Variants in CFAP77 observed in about 807,000 individuals in gnomAD.
CFAP77 encodes cilia and flagella associated protein 77.
CFAP77 carries 25 observed loss-of-function variants against 31.1 expected under a neutral mutation model. That is an observed-to-expected ratio of 0.80 (90% CI 0.59 to 1.12). The LOEUF (loss-of-function observed/expected upper bound fraction) is 1.12. Ranked by LOEUF, CFAP77 falls within the 50% of genes most tolerant of loss-of-function variation. The probability of loss-of-function intolerance (pLI) is 0.00; values close to 1 mark genes in which losing one functional copy is unlikely to be tolerated. For synonymous variants in CFAP77, 151 were observed against 159.9 expected (o/e 0.94, Z 0.42); for missense variants, 377 against 397.3 (o/e 0.95, Z 0.44).
chr9:132,566,878 A>C (rs1829890763), intron 5 of CFAP77, among the ~76,000 whole-genome samples: 1 of 152,110 alleles, frequency 6.6e-6, no homozygotes, highest in Non-Finnish European at 1.5e-5. Flanking sequence ...TGGCATGAGA[A>C]GTCCTTGCTG....
intron 5 of CFAP77, among the ~76,000 whole-genome samples, chr9:132,571,882 C>CCT (rs1829963197): frequency 1.1e-5 from 1 of 87,768 alleles, no homozygotes; most frequent in African/African-American, 4.6e-5. Flanking sequence ...GTCTCCCTTG[C>CCT]ATTTTTTTTT....
chr9:132,422,520 C>T lies in CFAP77; in HGVS notation c.195+12054C>T, dbSNP rs185045517. ...TGGAAGTGGAGTGTGTATGTGTCCGCGTTCACATGAGCAATGGGACGAGAC... is the reference window on the plus strand; with the variant it reads ...TGGAAGTGGAGTGTGTATGTGTCCGTGTTCACATGAGCAATGGGACGAGAC... On this transcript the variant is annotated intron_variant, in intron 1 of 5. Transcript: ENST00000393216. Among the ~76,000 whole-genome samples the T allele has an allele frequency of 4.6e-5, 7 of 152,278 alleles. No individual in the cohort carries two copies. The East Asian group carries it at 1.2e-3, about 25-fold the overall frequency.
intron 1 of CFAP77, among the ~76,000 whole-genome samples, chr9:132,467,941 A>G (rs2131732356): frequency 6.6e-6 from 1 of 151,938 alleles, no homozygotes; most frequent in East Asian, 1.9e-4. Context: ...TCCTTGTCAA[A>G]GCTCTGTTCA....
intron 4 of CFAP77, among the ~76,000 whole-genome samples, chr9:132,542,420 G>C (rs975118517): frequency 6.6e-6 from 1 of 152,214 alleles, no homozygotes; most frequent in Non-Finnish European, 1.5e-5. Context: ...GGAGCAGAGG[G>C]GCTTCCACTG....
chr9:132,539,044 G>A lies in CFAP77; in HGVS notation c.630+1338G>A, dbSNP rs1326292766. On this transcript the variant is annotated intron_variant, in intron 4 of 5. Coordinates refer to ENST00000393216, the MANE Select transcript of CFAP77 (RefSeq NM_001282957.2). This position sits in a 1 kb window ranked among gnomAD's most constrained non-coding sequence, Gnocchi z 4.3. ...GGAGGTTGCAGTGAGCCAAGATCGT[G>A]CCACTGCACTCCAGCCTGGGCAACA... 2.7e-5 allele frequency among the ~76,000 whole-genome samples: 4 copies of A among 148,742 alleles called. No individual in the cohort carries two copies. Among genetic ancestry groups the A allele is most frequent in the Non-Finnish European group, 6.0e-5 (4 of 67,058 alleles).
chr9:132,569,130 C>T (rs1253609614), intron 5 of CFAP77, among the ~76,000 whole-genome samples: 1 of 152,162 alleles, frequency 6.6e-6, no homozygotes, highest in Non-Finnish European at 1.5e-5. Context: ...AAGGCTGTTA[C>T]AAATATCTTT....
At chr9:132,503,155 C>T (rs576541989) in intron 3 of CFAP77, among the ~76,000 whole-genome samples, 1 of 152,342 alleles carries the variant, frequency 6.6e-6, no homozygotes, top group African/African-American at 2.4e-5. Flanking sequence ...GATTAATGAA[C>T]TCCTGTACAT....
chr9:132,415,889 G>A (rs911401551), intron 1 of CFAP77, among the ~76,000 whole-genome samples: 3 of 152,154 alleles, frequency 2.0e-5, no homozygotes, highest in Non-Finnish European at 4.4e-5. Flanking sequence ...TTAAGAAAAT[G>A]CATCTTTATA....
At chr9:132,417,775 G>A (rs916144499) in intron 1 of CFAP77, among the ~76,000 whole-genome samples, 2 of 152,224 alleles carry the variant, frequency 1.3e-5, no homozygotes, top group African/African-American at 4.8e-5. Flanking sequence ...AAATATTTAT[G>A]TTTCTCAAAG....
intron 5 of CFAP77, among the ~76,000 whole-genome samples, chr9:132,556,742 C>T (rs1012370212): frequency 4.6e-5 from 7 of 152,292 alleles, no homozygotes; most frequent in Admixed American, 1.3e-4. Flanking sequence ...TCATTTTGGG[C>T]CCACGAGCTG....
Position 132,533,471 on chromosome 9 carries a change from G to C in CFAP77, c.525-4130G>C, listed in dbSNP as rs184134837. On this transcript the variant is annotated intron_variant, in intron 3 of 5. Transcript: ENST00000393216. Reference sequence around the variant, plus strand: ...CGCTCCCTCCCAGGGCTCTAGCCGAGGACGCTTCCTGCCTCTTCCAGCTGC... The same window carrying C: ...CGCTCCCTCCCAGGGCTCTAGCCGACGACGCTTCCTGCCTCTTCCAGCTGC... 7.3e-3 allele frequency among the ~76,000 whole-genome samples: 1,114 copies of C among 152,096 alleles called. 14 individuals are homozygous for C. Among genetic ancestry groups the C allele is most frequent in the African/African-American group, 0.025 (1,046 of 41,348 alleles).
chr9:132,451,669 C>G lies in CFAP77; in HGVS notation c.195+41203C>G, dbSNP rs149048285. 2.9e-4 allele frequency among the ~76,000 whole-genome samples: 44 copies of G among 152,202 alleles called. 1 individual carries two copies. The East Asian group carries it at 7.5e-3, about 26-fold the overall frequency. The stretch of plus-strand genomic sequence containing the variant: ...CCTTTCTTGATCCCCACCACGCCCC[C>G]TAAGTTCAGGGCCATCACTGTTTGC... On this transcript the variant is annotated intron_variant, in intron 1 of 5. Transcript: ENST00000393216.
chr9:132,482,327 G>T, intron 1 of CFAP77: 1 of 1,613,416 alleles, frequency 6.2e-7, no homozygotes, highest in Non-Finnish European at 8.5e-7. Context: ...GCCCGGCCTC[G>T]GTGGGAACCT....
rs564005268 is a variant in CFAP77, at chr9:132,428,347, A to G, written c.195+17881A>G. 2.6e-5 allele frequency among the ~76,000 whole-genome samples: 4 copies of G among 151,492 alleles called. No homozygotes were observed. The South Asian group carries it at 8.5e-4, about 32-fold the overall frequency. On this transcript the variant is annotated intron_variant, in intron 1 of 5. Coordinates refer to ENST00000393216, the MANE Select transcript of CFAP77 (RefSeq NM_001282957.2). Reference sequence around the variant, plus strand: ...TCTTAATAACTGCAAGGAGCCGGGCACAGTGGCTCACACCTGTAATCCCAG... The same window carrying G: ...TCTTAATAACTGCAAGGAGCCGGGCGCAGTGGCTCACACCTGTAATCCCAG...
At chr9:132,444,816 T>C (rs1179077578) in intron 1 of CFAP77, among the ~76,000 whole-genome samples, 2 of 152,176 alleles carry the variant, frequency 1.3e-5, no homozygotes, top group Non-Finnish European at 2.9e-5. Flanking sequence ...TGGCATTAAA[T>C]GCTGAACCGC....
At chr9:132,492,353 G>C (rs535546620) in intron 1 of CFAP77, among the ~76,000 whole-genome samples, 22 of 151,808 alleles carry the variant, frequency 1.4e-4, no homozygotes, top group Non-Finnish European at 2.5e-4. Flanking sequence ...CTTTACCTGG[G>C]CTTCTCCTGT....
In CFAP77 at chr9:132,423,504, C is replaced by T. The variant is rs78016110; in HGVS notation, c.195+13038C>T. Among the ~76,000 whole-genome samples the T allele has an allele frequency of 6.0e-3, 911 of 152,354 alleles. 8 individuals are homozygous for T. Among genetic ancestry groups the T allele is most frequent in the African/African-American group, 0.021 (875 of 41,576 alleles). ...AACAATCCTGAGACAGGATGACTAT[C>T]ATTCCCATTTTACAGATGGGGAAGC... is the stretch of plus-strand genomic sequence containing the variant. On this transcript the variant is annotated intron_variant, in intron 1 of 5. Coordinates refer to ENST00000393216, the MANE Select transcript of CFAP77 (RefSeq NM_001282957.2).
At chr9:132,413,312 G>T (rs950764496) in intron 1 of CFAP77, among the ~76,000 whole-genome samples, 1 of 152,168 alleles carries the variant, frequency 6.6e-6, no homozygotes, top group Non-Finnish European at 1.5e-5. Context: ...AGACATCCAA[G>T]CAGGTATTTT....
In CFAP77 at chr9:132,497,900, C is replaced by T. The variant is rs185685411; in HGVS notation, c.196-795C>T. ...GAGCTGCTGTGATAAAGGGAGACCG[C>T]GTGGCAGGATGATCAAGAGCGCCAG... On this transcript the variant is annotated intron_variant, in intron 1 of 5. Transcript: ENST00000393216. This position sits in a 1 kb window ranked among gnomAD's most constrained non-coding sequence, Gnocchi z 4.9. Among the ~76,000 whole-genome samples, 43 of 152,246 alleles carry T rather than the reference C, an allele frequency of 2.8e-4. No homozygotes were observed. Among genetic ancestry groups the T allele is most frequent in the East Asian group, 9.7e-4 (5 of 5,174 alleles).
Sources: gnomAD v4.1 joint callset for allele counts (sites outside exome capture counted in the v4.1 genomes callset) on GRCh38, gnomAD v4.1.1 for gene constraint, Gnocchi (gnomAD v3.1) non-coding constraint, MANE v1.5 for transcripts, NCBI Gene and HGNC (gene_info 2026-07-23, HGNC 2026-07-21) for gene names.